RALGPS1: variants seen among roughly 807,000 people sequenced by gnomAD.
RALGPS1 encodes ras-specific guanine nucleotide-releasing factor RalGPS1.
Under a neutral mutation model 78.8 loss-of-function variants are expected in RALGPS1, and 19 were observed. That is an observed-to-expected ratio of 0.24 (90% CI 0.17 to 0.35). The LOEUF is 0.35. Among genes scored for constraint, RALGPS1 ranks in the 10% least tolerant of loss-of-function variants. The pLI is 1.00. For missense variants in RALGPS1, 454 were observed against 688.3 expected, an observed-to-expected ratio of 0.66 and a Z score of 3.81; for synonymous variants, 228 against 256.3, an observed-to-expected ratio of 0.89 and a Z score of 1.06.
At chr9:127,128,603 A>G (rs979352511) in intron 8 of RALGPS1, among the ~76,000 whole-genome samples, 2 of 152,196 alleles carry the variant, frequency 1.3e-5, no homozygotes, top group South Asian at 2.1e-4. Context: ...AGCCTGTGGA[A>G]CTGCCAGAAG....
chr9:127,160,243 C>T (rs1013994174), intron 8 of RALGPS1, among the ~76,000 whole-genome samples: 4 of 152,198 alleles, frequency 2.6e-5, no homozygotes, highest in Non-Finnish European at 4.4e-5. Context: ...GGTGTCTGTT[C>T]GGAAGAGCAC....
At chr9:127,153,998 G>A (rs749382586) in intron 8 of RALGPS1, among the ~76,000 whole-genome samples, 1 of 152,214 alleles carries the variant, frequency 6.6e-6, no homozygotes, top group Non-Finnish European at 1.5e-5. Context: ...GAGAGTAGGT[G>A]TAGGCAGGCC....
In RALGPS1 at chr9:127,168,684, C is replaced by G; in HGVS notation, c.754C>G (p.Leu252Val). 1 of 1,611,936 alleles carries G rather than the reference C, an allele frequency of 6.2e-7. No homozygotes were observed. The part of the protein sequence containing the change: ...DLQVSCSYDH[L>V]TTLPHVQKYL... ...ATGTGGTCCACCTTTTGCAGATCAC[C>G]TCACCACCCTGCCCCATGTGCAGAA... Residue 252 changes from leucine to valine, a missense_variant, in exon 10 of 19, where the codon CTC (leucine) becomes GTC (valine). Leu to Val is a conservative substitution (Grantham distance 32). Transcript: ENST00000259351.
intron 1 of RALGPS1, among the ~76,000 whole-genome samples, chr9:126,937,495 G>C (rs2036374347): frequency 6.6e-6 from 1 of 152,186 alleles, no homozygotes; most frequent in South Asian, 2.1e-4. Context: ...ATGCCTGAAT[G>C]ACAATGGGTT....
At chr9:127,067,335 C>T (rs2049803716) in intron 7 of RALGPS1, among the ~76,000 whole-genome samples, 1 of 152,218 alleles carries the variant, frequency 6.6e-6, no homozygotes, top group East Asian at 1.9e-4. Flanking sequence ...GCACCAGAAC[C>T]TTCCTTTCAG....
At position 127,091,201 on chromosome 9, in the gene RALGPS1, C is replaced by G. The variant is rs971986787; in HGVS notation, c.610+21845C>G. 6.6e-6 allele frequency among the ~76,000 whole-genome samples: 1 copy of G among 152,246 alleles called. No homozygotes were observed. Among genetic ancestry groups the G allele is most frequent in the East Asian group, 1.9e-4 (1 of 5,196 alleles). ...TGCAATGTAGTTCTTGTCCTTACTT[C>G]CAGATGCAGAAACTGAGACCCACGG... On this transcript the variant is annotated intron_variant, in intron 8 of 18. Coordinates refer to ENST00000259351, the MANE Select transcript of RALGPS1 (RefSeq NM_014636.3). This position sits in a 1 kb window ranked among gnomAD's most constrained non-coding sequence, Gnocchi z 4.3.
At chr9:127,104,749 C>T (rs1312385779) in intron 8 of RALGPS1, among the ~76,000 whole-genome samples, 5 of 152,160 alleles carry the variant, frequency 3.3e-5, no homozygotes, top group African/African-American at 4.8e-5. Flanking sequence ...TGTGGGCAGA[C>T]GAAGAAAAGA....
At chr9:126,950,367 T>C (rs2037699061) in intron 1 of RALGPS1, among the ~76,000 whole-genome samples, 1 of 152,222 alleles carries the variant, frequency 6.6e-6, no homozygotes, top group Non-Finnish European at 1.5e-5. Context: ...ATTGGTAGCT[T>C]GATGGGGATG....
intron 8 of RALGPS1, among the ~76,000 whole-genome samples, chr9:127,146,839 C>G (rs1390096019): frequency 6.6e-6 from 1 of 152,188 alleles, no homozygotes; most frequent in East Asian, 1.9e-4. Flanking sequence ...CCACCGCACC[C>G]AGCCTGAATG....
intron 4 of RALGPS1, 118 bp from the exon 5 acceptor site, chr9:127,034,313 A>G: frequency 1.2e-6 from 1 of 851,976 alleles, no homozygotes; most frequent in East Asian, 2.5e-5. Flanking sequence ...AAAGATGGGA[A>G]CAGCCAAGGT....
At chr9:127,196,673 A>G (rs770869356) in intron 13 of RALGPS1, 42 bp downstream of exon 13, 1 of 1,531,214 alleles carries the variant, frequency 6.5e-7, no homozygotes, top group South Asian at 1.3e-5. Context: ...GGTGGGCTGT[A>G]GGCCCAGCGT....
rs779432887 is a variant in RALGPS1 at position 127,205,623 on chromosome 9, G to T, written c.1248-6508G>T. Among the ~76,000 whole-genome samples, 1 of 152,200 alleles carries T rather than the reference G, an allele frequency of 6.6e-6. No homozygotes were observed. Among genetic ancestry groups the T allele is most frequent in the Non-Finnish European group, 1.5e-5 (1 of 68,036 alleles). ...CCTCCAGAGTCAGCACCTAGAAAGCGGGCAGGACGCTCCTTCCATCTTGTG... is the reference window on the plus strand; with the variant it reads ...CCTCCAGAGTCAGCACCTAGAAAGCTGGCAGGACGCTCCTTCCATCTTGTG... On this transcript the variant is annotated intron_variant, in intron 14 of 18. Transcript: ENST00000259351. The surrounding 1 kb of genome is among the most constrained non-coding windows in gnomAD (Gnocchi z 4.0).
chr9:127,019,552 C>T (rs920687603), intron 4 of RALGPS1, among the ~76,000 whole-genome samples: 25 of 152,134 alleles, frequency 1.6e-4, no homozygotes, highest in African/African-American at 5.6e-4. Context: ...TGGTCTCGAT[C>T]TCCAGACCTT....
At chr9:127,142,565 T>C (rs1204136766) in intron 8 of RALGPS1, among the ~76,000 whole-genome samples, 1 of 152,076 alleles carries the variant, frequency 6.6e-6, no homozygotes, top group Non-Finnish European at 1.5e-5. Context: ...GGTCCAGGAC[T>C]CCCTCCGCAG....
intron 1 of RALGPS1, among the ~76,000 whole-genome samples, chr9:126,928,745 G>T (rs1421697309): frequency 6.6e-6 from 1 of 152,066 alleles, no homozygotes; most frequent in Non-Finnish European, 1.5e-5. Flanking sequence ...GGGTTTACAG[G>T]TGGCCACCAC....
intron 1 of RALGPS1, among the ~76,000 whole-genome samples, chr9:126,927,176 A>G (rs1206988974): frequency 6.6e-6 from 1 of 152,144 alleles, no homozygotes; most frequent in Admixed American, 6.5e-5. Flanking sequence ...GATGGTTCTG[A>G]TGCCCCAGGA....
intron 8 of RALGPS1, 22 bp downstream of exon 8, chr9:127,069,378 T>C: frequency 1.9e-6 from 3 of 1,609,682 alleles, no homozygotes; most frequent in Non-Finnish European, 2.5e-6. Flanking sequence ...AATTGGCTTA[T>C]TTTTTTTTAA....
intron 11 of RALGPS1, among the ~76,000 whole-genome samples, chr9:127,191,944 G>T (rs2789520): frequency 1.3e-5 from 2 of 151,826 alleles, no homozygotes; most frequent in African/African-American, 2.4e-5. Context: ...TGATCTGCCC[G>T]CCTCGGCCTC....
chr9:127,168,670 CT>C lies in RALGPS1; in HGVS notation c.749-5del, dbSNP rs2059413549. ...CCTAAAGTTTCTGGATGTGGTCCACCTTTTGCAGATCACCTCACCACCCTGC... is the reference window on the plus strand; with the variant it reads ...CCTAAAGTTTCTGGATGTGGTCCACCTTTGCAGATCACCTCACCACCCTGC... On this transcript the variant is annotated splice_polypyrimidine_tract_variant and splice_region_variant and intron_variant, in intron 9 of 18. Coordinates refer to ENST00000259351, the MANE Select transcript of RALGPS1 (RefSeq NM_014636.3). 2 of 1,598,118 alleles carry C rather than the reference CT, an allele frequency of 1.3e-6. No individual in the cohort carries two copies. Among genetic ancestry groups the C allele is most frequent in the African/African-American group, 2.7e-5 (2 of 74,548 alleles).
Sources: allele counts gnomAD v4.1 joint callset (sites outside exome capture counted in the v4.1 genomes callset), GRCh38; gene constraint gnomAD v4.1.1; non-coding constraint Gnocchi (gnomAD v3.1); transcripts MANE v1.5; gene names NCBI Gene and HGNC (gene_info 2026-07-23, HGNC 2026-07-21).